Variants in ADAMTSL2 observed in about 807,000 individuals in gnomAD.
ADAMTSL2 encodes the protein ADAMTS-like protein 2.
Under a neutral mutation model 117.0 loss-of-function variants are expected in ADAMTSL2, and 55 were observed. The ratio of observed to expected loss-of-function variants is 0.47; its 90% CI spans 0.38 to 0.59. The LOEUF (loss-of-function observed/expected upper bound fraction) is 0.59. Among genes scored for constraint, ADAMTSL2 ranks in the 20% least tolerant of loss-of-function variants. The pLI, the probability that ADAMTSL2 is intolerant of heterozygous loss-of-function variation, is 0.00. For synonymous variants in ADAMTSL2, 572 were observed against 566.4 expected, an observed-to-expected ratio of 1.01 and a Z score of -0.14; for missense variants, 1,182 against 1,354.5, an observed-to-expected ratio of 0.87 and a Z score of 2.00.
chr9:133,541,290 AC>A (rs1272520794), intron 7 of ADAMTSL2, among the ~76,000 whole-genome samples: 32 of 138,350 alleles, frequency 2.3e-4, no homozygotes, highest in Non-Finnish European at 4.8e-5. Context: ...TTAACAATGC[AC>A]CTTTTTTTTT....
intron 11 of ADAMTSL2, among the ~76,000 whole-genome samples, chr9:133,559,111 T>A (rs1449390086): frequency 6.6e-6 from 1 of 152,228 alleles, no homozygotes; most frequent in Admixed American, 6.5e-5. Context: ...TCTTTTCATC[T>A]CTTTTTGTTC....
chr9:133,538,958 C>G (rs955304264), intron 4 of ADAMTSL2, among the ~76,000 whole-genome samples: 1 of 152,228 alleles, frequency 6.6e-6, no homozygotes, highest in Non-Finnish European at 1.5e-5. Flanking sequence ...AACCTGAACA[C>G]CTTTCCAAGG....
intron 1 of ADAMTSL2, among the ~76,000 whole-genome samples, chr9:133,535,698 T>G (rs1588272596): frequency 6.6e-6 from 1 of 152,308 alleles, no homozygotes; most frequent in Admixed American, 6.5e-5. Context: ...GGCTCCCCTC[T>G]CTGGGCTCCA....
At position 133,534,729 on chromosome 9, in the gene ADAMTSL2, C is replaced by T. The variant is rs1032935367; in HGVS notation, c.-339C>T. ...ACTGGGCTGCGCCCCTCCCGGGAAC[C>T]CCCTCTCTTGGATGCTCTTTGAAGT... On this transcript the variant is annotated 5_prime_UTR_variant, in exon 1 of 19. Coordinates refer to ENST00000651351, the MANE Select transcript of ADAMTSL2 (RefSeq NM_014694.4). The T allele has an allele frequency of 1.4e-6, 2 of 1,386,052 alleles. No homozygotes were observed. The highest frequency in any genetic ancestry group is 1.5e-5 in the African/African-American group (1 of 65,972). The allele number at this position is 1,386,052 out of a possible 1,614,324, so 85.9% of individuals were successfully genotyped here.
Position 133,540,746 on chromosome 9 carries a change from T to G in ADAMTSL2, c.558+3T>G. On this transcript the variant is annotated splice_donor_region_variant and intron_variant, in intron 6 of 18. Coordinates refer to ENST00000651351, the MANE Select transcript of ADAMTSL2 (RefSeq NM_014694.4). ...TTTGCGTGTCTGGAAAATGTGAGGT[T>G]GTTAAACGTTGTAGCAAAAGTACCG... is the stretch of plus-strand genomic sequence containing the variant. 6.2e-7 allele frequency: 1 copy of G among 1,613,834 alleles called. No homozygotes were observed. The highest frequency in any genetic ancestry group is 8.5e-7 in the Non-Finnish European group (1 of 1,180,040).
chr9:133,540,181 G>A (rs1161982017), intron 5 of ADAMTSL2, among the ~76,000 whole-genome samples: 6 of 152,180 alleles, frequency 3.9e-5, no homozygotes, highest in African/African-American at 9.7e-5. Context: ...CAGCCTAGAC[G>A]ATCCCAAACG....
intron 11 of ADAMTSL2, among the ~76,000 whole-genome samples, chr9:133,556,476 T>C (rs2131143326): frequency 6.6e-6 from 1 of 152,140 alleles, no homozygotes; most frequent in East Asian, 1.9e-4. Context: ...AAGTGCAGAG[T>C]GGCTCAGTCC....
chr9:133,568,994 C>T (rs1831042385), intron 15 of ADAMTSL2, among the ~76,000 whole-genome samples: 2 of 152,102 alleles, frequency 1.3e-5, no homozygotes, highest in South Asian at 2.1e-4. Context: ...CCTTTGTCTC[C>T]CTGTGTGTGT....
chr9:133,572,757 C>T (rs961083870), intron 17 of ADAMTSL2, among the ~76,000 whole-genome samples: 6 of 152,160 alleles, frequency 3.9e-5, no homozygotes, highest in African/African-American at 7.2e-5. Flanking sequence ...CTGGTGGGCG[C>T]GTGGACTCCT....
intron 11 of ADAMTSL2, 86 bp downstream of exon 11, chr9:133,556,016 G>A (rs1830598103): frequency 1.9e-6 from 3 of 1,540,458 alleles, no homozygotes; most frequent in Non-Finnish European, 2.6e-6. Flanking sequence ...GCCCCACTGG[G>A]GGGGTCTGGC....
chr9:133,562,949 C>T lies in ADAMTSL2; in HGVS notation c.1747+1654C>T, dbSNP rs1239107648. ...GGGCACCGGCTTGGCCAGGCTCGCA[C>T]CGCTGTGGGCGGCGTGGTGGGCACC... On this transcript the variant is annotated intron_variant, in intron 12 of 18. Coordinates refer to ENST00000651351, the MANE Select transcript of ADAMTSL2 (RefSeq NM_014694.4). Among the ~76,000 whole-genome samples, 13 of 143,858 alleles carry T rather than the reference C, an allele frequency of 9.0e-5. No individual in the cohort carries two copies. In the East Asian group the frequency reaches 2.5e-3, roughly 28 times the overall value. The allele number at this position is 143,858 out of a possible 152,430, so 94.4% of individuals were successfully genotyped here.
chr9:133,554,508 TC>T lies in ADAMTSL2; in HGVS notation c.1094del (p.Pro365ArgfsTer105). ...GACGGGGCCGGGCTGATGGGCTTCG[TC>T]CCGCACAACGGCTCCCTCTACGGCC... ...GLDGAGLMGFVPHNGSLYGQA... is the reference protein window; with the variant it reads ...GLDGAGLMGFXPHNGSLYGQA... On this transcript the variant is annotated frameshift_variant, in exon 10 of 19. Coordinates refer to ENST00000651351, the MANE Select transcript of ADAMTSL2 (RefSeq NM_014694.4). LOFTEE classifies it high-confidence loss of function. The surrounding 1 kb of genome is among the most constrained non-coding windows in gnomAD (Gnocchi z 5.2). 1 of 1,549,918 alleles carries T rather than the reference TC, an allele frequency of 6.5e-7. No individual in the cohort carries two copies. Among genetic ancestry groups the T allele is most frequent in the Non-Finnish European group, 8.7e-7 (1 of 1,147,262 alleles).
At chr9:133,539,608 G>A (rs1312334718) in intron 4 of ADAMTSL2, among the ~76,000 whole-genome samples, 163 bp from the exon 5 acceptor site, 2 of 112,976 alleles carry the variant, frequency 1.8e-5, no homozygotes, top group Non-Finnish European at 4.0e-5. Flanking sequence ...GCGCATGGGA[G>A]CGCGCAGGAG....
intron 4 of ADAMTSL2, among the ~76,000 whole-genome samples, chr9:133,539,406 GAC>G (rs1230227557): frequency 1.3e-5 from 2 of 152,230 alleles, no homozygotes; most frequent in African/African-American, 4.8e-5. Flanking sequence ...CGTCACTGTA[GAC>G]ACACAGTCAG....
chr9:133,569,919 C>G (rs1266294237), intron 16 of ADAMTSL2, among the ~76,000 whole-genome samples: 1 of 152,362 alleles, frequency 6.6e-6, no homozygotes, highest in East Asian at 1.9e-4. Flanking sequence ...GACCTCTGAT[C>G]GTGACCAGTG....
Position 133,575,291 on chromosome 9 carries a change from G to A in ADAMTSL2, c.*427G>A. The A allele has an allele frequency of 4.2e-6, 1 of 237,728 alleles. No homozygotes were observed. Among genetic ancestry groups the A allele is most frequent in the Non-Finnish European group, 8.4e-6 (1 of 118,968 alleles). 14.7% of individuals were successfully genotyped at this position (237,728 alleles called of 1,614,324 possible). On this transcript the variant is annotated 3_prime_UTR_variant, in exon 19 of 19. Coordinates refer to ENST00000651351, the MANE Select transcript of ADAMTSL2 (RefSeq NM_014694.4). ...GCAGGCGAGCCCAACGTGGTGGGGG[G>A]CCTTCCTCCCTCAGAGGCCATGGGG...
intron 7 of ADAMTSL2, among the ~76,000 whole-genome samples, chr9:133,543,784 C>G (rs1352751333): frequency 6.6e-6 from 1 of 152,264 alleles, no homozygotes; most frequent in African/African-American, 2.4e-5. Context: ...CCCCAGGCTC[C>G]TCTCTCAGCC....
Position 133,540,408 on chromosome 9 carries a change from G to A in ADAMTSL2, c.413-190G>A, listed in dbSNP as rs184320375. Among the ~76,000 whole-genome samples, 317 of 152,344 alleles carry A rather than the reference G, an allele frequency of 2.1e-3. 2 individuals are homozygous for A. Among genetic ancestry groups the A allele is most frequent in the Non-Finnish European group, 3.4e-3 (233 of 68,030 alleles). Reference sequence around the variant, plus strand: ...CGAGGAGGTAGAAGCTGGAACTCACGGGGTGTGGGCTGAGCCAGAAGACCC... The same window carrying A: ...CGAGGAGGTAGAAGCTGGAACTCACAGGGTGTGGGCTGAGCCAGAAGACCC... On this transcript the variant is annotated intron_variant, in intron 5 of 18. Transcript: ENST00000651351.
At chr9:133,552,175 T>C (rs1324384558) in intron 9 of ADAMTSL2, among the ~76,000 whole-genome samples, 1 of 152,174 alleles carries the variant, frequency 6.6e-6, no homozygotes, top group East Asian at 1.9e-4. Flanking sequence ...ACAGATATTC[T>C]TGGATGTGGA....
Sources: gnomAD v4.1 joint callset for allele counts (sites outside exome capture counted in the v4.1 genomes callset) on GRCh38, gnomAD v4.1.1 for gene constraint, Gnocchi (gnomAD v3.1) non-coding constraint, MANE v1.5 for transcripts, NCBI Gene and HGNC (gene_info 2026-07-23, HGNC 2026-07-21) for gene names.